Variants in NDUFAF6 observed in about 807,000 individuals in gnomAD.
The protein encoded by NDUFAF6 is NADH:ubiquinone oxidoreductase complex assembly factor 6, also known as NADH dehydrogenase (ubiquinone) complex I, assembly factor 6.
NDUFAF6 carries 45 observed loss-of-function variants against 40.8 expected under a neutral mutation model. The ratio of observed to expected loss-of-function variants is 1.10; its 90% CI spans 0.87 to 1.42. The LOEUF is 1.42. Among genes scored for constraint, NDUFAF6 ranks in the 40% most tolerant of loss-of-function variants. The pLI is 0.00. For synonymous variants in NDUFAF6, 185 were observed against 155.9 expected (o/e 1.19, Z -1.39); for missense variants, 435 against 418.5 (o/e 1.04, Z -0.34).
intron 9 of NDUFAF6, among the ~76,000 whole-genome samples, chr8:95,064,562 T>TGC (rs1491445413): frequency 7.1e-4 from 92 of 129,410 alleles, no homozygotes; most frequent in African/African-American, 2.2e-3. Context: ...TGTGTGTGTG[T>TGC]GCGCGCGTGC....
chr8:95,006,770 C>T (rs2131661854), intron 2 of NDUFAF6, among the ~76,000 whole-genome samples: 1 of 151,286 alleles, frequency 6.6e-6, no homozygotes, highest in East Asian at 1.9e-4. Context: ...TTCCCAGCTA[C>T]TCAGGAGGCT....
downstream of NDUFAF6, among the ~76,000 whole-genome samples, chr8:95,107,458 T>G (rs937092624): frequency 1.3e-5 from 2 of 152,010 alleles, no homozygotes; most frequent in African/African-American, 4.8e-5. Flanking sequence ...GAGGGGAACA[T>G]CACACACCGG....
intron 1 of NDUFAF6, among the ~76,000 whole-genome samples, chr8:94,908,116 A>G (rs987206449): frequency 3.9e-5 from 6 of 152,206 alleles, no homozygotes; most frequent in Non-Finnish European, 7.3e-5. Context: ...AAGTCCCATG[A>G]CTTGAGTTTG....
At chr8:95,029,533 C>T (rs1193077397) in intron 1 of NDUFAF6, among the ~76,000 whole-genome samples, 1 of 152,208 alleles carries the variant, frequency 6.6e-6, no homozygotes, top group Non-Finnish European at 1.5e-5. Flanking sequence ...CCAGTATTAC[C>T]ATTTAATCCA....
rs1430972631 is a variant in NDUFAF6, at chr8:94,997,329, CACACACACACACACAGAG to C, written c.-84+16358_-84+16375del. On this transcript the variant is annotated intron_variant, in intron 2 of 9. Transcript: ENST00000396111. ...ACACACACACACACACACACACACA[CACACACACACACACAGAG>C]AGAGAGAGAGAGAGAGAGACAGAGA... is the stretch of plus-strand genomic sequence containing the variant. Among the ~76,000 whole-genome samples, 124 of 139,746 alleles carry C rather than the reference CACACACACACACACAGAG, an allele frequency of 8.9e-4. 1 individual carries two copies. Among genetic ancestry groups the C allele is most frequent in the Non-Finnish European group, 1.3e-3 (86 of 64,056 alleles). The allele number at this position is 139,746 out of a possible 152,430, so 91.7% of individuals were successfully genotyped here.
At chr8:95,034,900 A>C (rs562576988) in intron 2 of NDUFAF6, among the ~76,000 whole-genome samples, 4 of 147,488 alleles carry the variant, frequency 2.7e-5, no homozygotes, top group African/African-American at 1.0e-4. Flanking sequence ...TTTTTTTTAG[A>C]TGGAGTTTCG....
upstream of NDUFAF6, among the ~76,000 whole-genome samples, chr8:94,957,304 T>G (rs1823167505): frequency 6.6e-6 from 1 of 151,124 alleles, no homozygotes; most frequent in South Asian, 2.1e-4. Context: ...GAGGTGGGAG[T>G]GGTGATGTAA....
chr8:94,903,204 A>G (rs1818140902), intron 1 of NDUFAF6, among the ~76,000 whole-genome samples: 1 of 152,078 alleles, frequency 6.6e-6, no homozygotes, highest in African/African-American at 2.4e-5. Context: ...CACAAAAAAT[A>G]AAGAAGTTAG....
intron 1 of NDUFAF6, among the ~76,000 whole-genome samples, chr8:94,966,711 G>A (rs545012695): frequency 2.4e-4 from 36 of 152,168 alleles, no homozygotes; most frequent in Non-Finnish European, 5.0e-4. Context: ...TAGACACTCA[G>A]GCTCTCTTTT....
chr8:95,077,370 G>C (rs532314123), downstream of NDUFAF6, among the ~76,000 whole-genome samples: 2 of 152,264 alleles, frequency 1.3e-5, no homozygotes, highest in African/African-American at 4.8e-5. Flanking sequence ...ATGGATGCCT[G>C]AAACCTTGGA....
At chr8:95,094,815 T>C (rs1243471365) in intron 2 of NDUFAF6, among the ~76,000 whole-genome samples, 1 of 150,340 alleles carries the variant, frequency 6.7e-6, no homozygotes, top group East Asian at 2.0e-4. Flanking sequence ...TGCAGTGTCA[T>C]GATCACAGCT....
At chr8:95,035,307 C>T (rs1829362582) in intron 2 of NDUFAF6, 147 bp from the exon 3 acceptor site, 3 of 696,440 alleles carry the variant, frequency 4.3e-6, no homozygotes, top group Non-Finnish European at 7.4e-6. Context: ...TTGTTGTGTT[C>T]TATAGGTTCC....
chr8:94,932,035 C>T, intron 1 of NDUFAF6: 3 of 1,597,018 alleles, frequency 1.9e-6, no homozygotes, highest in Non-Finnish European at 2.6e-6. Context: ...CCTATGCATA[C>T]ATATATCACA....
At chr8:94,972,731 A>T (rs1824570233) in intron 1 of NDUFAF6, among the ~76,000 whole-genome samples, 1 of 104,708 alleles carries the variant, frequency 9.6e-6, no homozygotes, top group African/African-American at 3.6e-5. Flanking sequence ...TCTCTACTGA[A>T]ACTTAAAAAA....
At position 94,930,619 on chromosome 8, in the gene NDUFAF6, T is replaced by C. The variant is rs189831461; in HGVS notation, c.-935-14864T>C. On this transcript the variant is annotated intron_variant, in intron 1 of 14. Coordinates refer to the NDUFAF6 transcript ENST00000396113. ...GGCTGTCTTTCACTGTGTTCTTTTA[T>C]CCACTGGGAAGGGCGAAAGCTCTTG... 5.0e-6 allele frequency: 8 copies of C among 1,614,226 alleles called. No homozygotes were observed. The Admixed American group carries it at 1.0e-4, about 20-fold the overall frequency.
At chr8:95,082,288 G>A (rs557034924) in intron 2 of NDUFAF6, among the ~76,000 whole-genome samples, 17 of 152,200 alleles carry the variant, frequency 1.1e-4, no homozygotes, top group African/African-American at 3.4e-4. Flanking sequence ...TCCAGCCTGG[G>A]CAACATGACG....
chr8:95,114,163 A>AAAACAAACAAAC (rs112225601), intron 4 of NDUFAF6, among the ~76,000 whole-genome samples: 32 of 151,504 alleles, frequency 2.1e-4, no homozygotes, highest in Non-Finnish European at 3.5e-4. Context: ...TAATAATAAT[A>AAAACAAACAAAC]AAACAAACAA....
chr8:94,969,850 T>C (rs1456616447), intron 1 of NDUFAF6, among the ~76,000 whole-genome samples: 1 of 152,104 alleles, frequency 6.6e-6, no homozygotes, highest in African/African-American at 2.4e-5. Flanking sequence ...GCTAAGACCT[T>C]ACCAAGAAAT....
intron 1 of NDUFAF6, among the ~76,000 whole-genome samples, chr8:94,963,517 A>G (rs1015745148): frequency 6.6e-6 from 1 of 152,244 alleles, no homozygotes; most frequent in African/African-American, 2.4e-5. Flanking sequence ...TTATGTCAGG[A>G]AGCAAAGAGA....
Sources: allele counts gnomAD v4.1 joint callset (sites outside exome capture counted in the v4.1 genomes callset), GRCh38; gene constraint gnomAD v4.1.1; transcripts MANE v1.5; gene names NCBI Gene and HGNC (gene_info 2026-07-23, HGNC 2026-07-21).